The following ADAMTS7 variants were observed in gnomAD, a reference collection of about 807,000 sequenced individuals.
ADAMTS7 encodes the protein ADAM metallopeptidase with thrombospondin type 1 motif 7, also known as A disintegrin and metalloproteinase with thrombospondin motifs 7.
In ADAMTS7, 89 loss-of-function variants were observed where a neutral mutation model predicts 172.6. The ratio of observed to expected loss-of-function variants is 0.52; its 90% confidence interval spans 0.43 to 0.61. The LOEUF is 0.61. Ranked by LOEUF, ADAMTS7 falls within the 20% of genes least tolerant of loss-of-function variation. The pLI is 0.00. For missense variants in ADAMTS7, 1,973 were observed against 2,355.6 expected, an observed-to-expected ratio of 0.84 and a Z score of 3.36; for synonymous variants, 885 against 978.4, an observed-to-expected ratio of 0.90 and a Z score of 1.78.
intron 4 of ADAMTS7, among the ~76,000 whole-genome samples, chr15:78,791,968 C>A (rs1443975739): frequency 1.3e-5 from 1 of 77,182 alleles, no homozygotes; most frequent in Non-Finnish European, 4.3e-5. Context: ...TCCCTCAGAA[C>A]AAAAAAGAGG....
Position 78,796,701 on chromosome 15 carries a change from C to A in ADAMTS7, c.708G>T (p.Arg236=). 6.2e-7 allele frequency: 1 copy of A among 1,613,780 alleles called. No individual in the cohort carries two copies. Among genetic ancestry groups the A allele is most frequent in the South Asian group, 1.1e-5 (1 of 91,082 alleles). ...RRPRLRRLHQ[R]SVSKEKWVET... ...CCACCCACTTCTCTTTGCTGACCGA[C>A]CGCTGGTGTAGACGCCTCAGCCGTG... is the stretch of plus-strand genomic sequence containing the variant. The change falls in exon 4 of 24, where the codon CGG becomes CGT. Residue 236 remains arginine (R), a synonymous_variant. Coordinates refer to ENST00000388820, the MANE Select transcript of ADAMTS7 (RefSeq NM_014272.5).
chr15:78,768,327 C>G (rs1030951675), intron 16 of ADAMTS7, 68 bp from the exon 17 acceptor site: 2 of 1,600,794 alleles, frequency 1.2e-6, no homozygotes, highest in African/African-American at 2.7e-5. Flanking sequence ...CAAAGACACC[C>G]TCTCTGCCAG....
At chr15:78,761,459 C>A (rs975669251) in intron 23 of ADAMTS7, among the ~76,000 whole-genome samples, 8 of 152,178 alleles carry the variant, frequency 5.3e-5, no homozygotes, top group African/African-American at 1.9e-4. Context: ...TTGGGGATGA[C>A]AGTGGCTGTG....
chr15:78,778,128 C>A (rs1246381728), intron 8 of ADAMTS7, among the ~76,000 whole-genome samples: 1 of 152,252 alleles, frequency 6.6e-6, no homozygotes, highest in Admixed American at 6.5e-5. Flanking sequence ...CACACCCCGA[C>A]AGGGCTGGCC....
intron 1 of ADAMTS7, 26 bp downstream of exon 1, chr15:78,811,095 C>T: frequency 1.6e-6 from 2 of 1,228,488 alleles, no homozygotes; most frequent in Non-Finnish European, 2.0e-6. Context: ...GCAGGCCCGG[C>T]TGGCCGGGGA....
chr15:78,791,015 G>A (rs1460405772), intron 5 of ADAMTS7, 125 bp downstream of exon 5: 1 of 1,281,762 alleles, frequency 7.8e-7, no homozygotes, highest in Non-Finnish European at 1.1e-6. Context: ...GGTGGCAGGG[G>A]ACACGGTCCA....
At position 78,774,678 on chromosome 15, in the gene ADAMTS7, C is replaced by T; in HGVS notation, c.1822G>A (p.Asp608Asn). ...AGCTGGCCCTTGTAGAGCATAGCGT[C>T]AAAGTGGCTGCACTGGACGTGGCGG... ...SFRHVQCSHF[D>N]AMLYKGQLHT... The change falls in exon 12 of 24, where the codon GAC becomes AAC. Residue 608 changes from aspartate (D) to asparagine (N), a missense_variant. Coordinates refer to ENST00000388820, the MANE Select transcript of ADAMTS7 (RefSeq NM_014272.5). 4 of 1,611,696 alleles carry T rather than the reference C, an allele frequency of 2.5e-6. No individual in the cohort carries two copies. Among genetic ancestry groups the T allele is most frequent in the Non-Finnish European group, 3.4e-6 (4 of 1,179,816 alleles).
chr15:78,806,145 A>C (rs1367672305), intron 1 of ADAMTS7, among the ~76,000 whole-genome samples: 79 of 147,818 alleles, frequency 5.3e-4, no homozygotes, highest in African/African-American at 1.7e-3. Context: ...AAAAAAAAAA[A>C]AAAAAAAAAA....
At chr15:78,793,793 C>T (rs1236881046) in intron 4 of ADAMTS7, among the ~76,000 whole-genome samples, 2 of 152,182 alleles carry the variant, frequency 1.3e-5, no homozygotes, top group African/African-American at 2.4e-5. Flanking sequence ...TGGCCCACCC[C>T]GGCCACCATG....
At chr15:78,788,577 G>A (rs746321359) in intron 7 of ADAMTS7, among the ~76,000 whole-genome samples, 14 of 152,258 alleles carry the variant, frequency 9.2e-5, no homozygotes, top group Non-Finnish European at 1.8e-4. Flanking sequence ...ATGACAGCTA[G>A]TATCCCAAGG....
rs369881521 is a variant in ADAMTS7, at chr15:78,777,578, C to T, written c.1333G>A (p.Gly445Ser). The T allele has an allele frequency of 9.3e-6, 15 of 1,605,248 alleles. No individual in the cohort carries two copies. Among genetic ancestry groups the T allele is most frequent in the Non-Finnish European group, 1.1e-5 (13 of 1,176,300 alleles). ...GCAGGAGGGTCGTCCAGGCACAGGC[C>T]CCACCCACGGCTAAAGATGGGACGG... is the stretch of plus-strand genomic sequence containing the variant. ...YITRFLDRGW[G>S]LCLDDPPAKD... The change falls in exon 9 of 24, where the codon GGC (glycine) becomes AGC (serine). Residue 445 changes from glycine to serine, a missense_variant. Coordinates refer to ENST00000388820, the MANE Select transcript of ADAMTS7 (RefSeq NM_014272.5).
At chr15:78,789,244 G>A (rs1189581513) in intron 7 of ADAMTS7, among the ~76,000 whole-genome samples, 1 of 152,250 alleles carries the variant, frequency 6.6e-6, no homozygotes, top group Non-Finnish European at 1.5e-5. Flanking sequence ...GTCAGATAGA[G>A]GGAGCCTTGG....
At chr15:78,763,599 C>G in intron 22 of ADAMTS7, 100 bp downstream of exon 22, 1 of 1,407,632 alleles carries the variant, frequency 7.1e-7, no homozygotes, top group Non-Finnish European at 9.2e-7. Context: ...CACAAAGAGC[C>G]TGGCTCACAG....
intron 14 of ADAMTS7, among the ~76,000 whole-genome samples, chr15:78,772,455 A>G (rs1241456321): frequency 1.3e-5 from 2 of 152,232 alleles, no homozygotes; most frequent in African/African-American, 2.4e-5. Flanking sequence ...AAGGCCCCAT[A>G]GCTGGCCCTG....
At chr15:78,777,169 C>T in intron 9 of ADAMTS7, 2 of 575,260 alleles carry the variant, frequency 3.5e-6, no homozygotes, top group East Asian at 5.8e-5. Flanking sequence ...ACAGGGGTTC[C>T]TTTTCCCTCT....
Position 78,766,345 on chromosome 15 carries a change from G to C in ADAMTS7, c.3566C>G (p.Thr1189Ser). The part of the protein sequence containing the change: ...VSTDGLQTPA[T>S]PESQNDFPVG... ...TGGGAAATCATTTTGGCTCTCAGGG[G>C]TGGCAGGTGTCTGCAGGCCATCAGT... The change falls in exon 19 of 24, where the codon ACC becomes AGC. Residue 1189 changes from threonine to serine, a missense_variant. Coordinates refer to ENST00000388820, the MANE Select transcript of ADAMTS7 (RefSeq NM_014272.5). The C allele has an allele frequency of 1.9e-6, 3 of 1,610,950 alleles. No individual in the cohort carries two copies. Among genetic ancestry groups the C allele is most frequent in the Non-Finnish European group, 2.5e-6 (3 of 1,179,910 alleles).
At chr15:78,801,163 G>A (rs775914717) in intron 1 of ADAMTS7, among the ~76,000 whole-genome samples, 9 of 152,142 alleles carry the variant, frequency 5.9e-5, no homozygotes, top group East Asian at 1.9e-4. Context: ...AAACCAGCGC[G>A]ATCATCGTCT....
Position 78,771,131 on chromosome 15 carries a change from C to T in ADAMTS7, c.2518+31G>A. On this transcript the variant is annotated intron_variant, in intron 16 of 23. Transcript: ENST00000388820. This position sits in a 1 kb window ranked among gnomAD's most constrained non-coding sequence, Gnocchi z 4.9. ...TCCCTGTCCAGACACTAAGCCCCTGCAGGTGGGGCTGTGCCTGCCCCACTT... is the reference window on the plus strand; with the variant it reads ...TCCCTGTCCAGACACTAAGCCCCTGTAGGTGGGGCTGTGCCTGCCCCACTT... 2 of 1,571,768 alleles carry T rather than the reference C, an allele frequency of 1.3e-6. No homozygotes were observed. Among genetic ancestry groups the T allele is most frequent in the Non-Finnish European group, 1.7e-6 (2 of 1,156,672 alleles).
At chr15:78,803,976 C>T (rs538800458) in intron 1 of ADAMTS7, among the ~76,000 whole-genome samples, 48 of 152,306 alleles carry the variant, frequency 3.2e-4, no homozygotes, top group African/African-American at 9.9e-4. Flanking sequence ...CACGGATCCC[C>T]TCAGTTCACG....
Sources: gnomAD v4.1 joint callset for allele counts (sites outside exome capture counted in the v4.1 genomes callset) on GRCh38, gnomAD v4.1.1 for gene constraint, Gnocchi (gnomAD v3.1) non-coding constraint, MANE v1.5 for transcripts, NCBI Gene and HGNC (gene_info 2026-07-23, HGNC 2026-07-21) for gene names.